MARCHF1: variants seen among roughly 807,000 people sequenced by gnomAD.
MARCHF1 encodes the protein E3 ubiquitin-protein ligase MARCHF1.
Under a neutral mutation model 54.2 loss-of-function variants are expected in MARCHF1, and 40 were observed. The ratio of observed to expected loss-of-function variants is 0.74; its 90% confidence interval spans 0.57 to 0.96. The LOEUF is 0.96. MARCHF1 is among the 40% of genes least tolerant of loss of function. MARCHF1 has a pLI of 0.00. For missense variants in MARCHF1, 586 were observed against 656.5 expected (o/e 0.89, Z 1.17); for synonymous variants, 236 against 236.3 (o/e 1.00, Z 0.01).
chr4:164,223,429 G>A (rs1732167385), intron 1 of MARCHF1, among the ~76,000 whole-genome samples: 1 of 151,864 alleles, frequency 6.6e-6, no homozygotes, highest in African/African-American at 2.4e-5. Context: ...TTTCAACAAG[G>A]AATTTGAAAG....
At chr4:164,336,354 C>A (rs920216077) in intron 1 of MARCHF1, among the ~76,000 whole-genome samples, 1 of 152,118 alleles carries the variant, frequency 6.6e-6, no homozygotes, top group Non-Finnish European at 1.5e-5. Flanking sequence ...TAGAATTTTG[C>A]CTTTTGGACT....
rs113277894 is a variant in MARCHF1 at position 164,180,034 on chromosome 4, T to C, written c.-322-68372A>G. On this transcript the variant is annotated intron_variant, in intron 1 of 9. Transcript: ENST00000514618. ...CCACTGACTCTGTAGCAGTGACTTA[T>C]CTTTGTACTTTGCAAATGCTGATTT... Among the ~76,000 whole-genome samples the C allele has an allele frequency of 1.9e-3, 292 of 151,152 alleles. 1 individual carries two copies. The highest frequency in any genetic ancestry group is 6.9e-3 in the African/African-American group (284 of 41,130).
chr4:163,702,161 T>C (rs1744829475), intron 4 of MARCHF1, among the ~76,000 whole-genome samples: 1 of 152,214 alleles, frequency 6.6e-6, no homozygotes, highest in African/African-American at 2.4e-5. Context: ...CTGTGGAGCA[T>C]GTTATTACAG....
chr4:164,303,246 C>T (rs1383126915), intron 1 of MARCHF1, among the ~76,000 whole-genome samples: 1 of 152,180 alleles, frequency 6.6e-6, no homozygotes, highest in Non-Finnish European at 1.5e-5. Context: ...ACATGGAAGG[C>T]TTCTTTCTGC....
chr4:163,960,644 G>A (rs1752327625), intron 3 of MARCHF1, among the ~76,000 whole-genome samples: 1 of 151,846 alleles, frequency 6.6e-6, no homozygotes, highest in Non-Finnish European at 1.5e-5. Context: ...ACAGACACTG[G>A]TGTCTACTTG....
At chr4:164,097,089 A>T (rs1416175762) in intron 2 of MARCHF1, among the ~76,000 whole-genome samples, 1 of 152,184 alleles carries the variant, frequency 6.6e-6, no homozygotes, top group African/African-American at 2.4e-5. Context: ...GTAAAAAAAT[A>T]ATGTAAGGCT....
intron 3 of MARCHF1, among the ~76,000 whole-genome samples, chr4:163,906,774 ACTCT>A (rs1751077680): frequency 6.6e-6 from 1 of 151,666 alleles, no homozygotes; most frequent in African/African-American, 2.4e-5. Flanking sequence ...TAAGAAAAAC[ACTCT>A]CTCTTGTCTT....
Position 163,526,855 on chromosome 4 carries a change from G to T in MARCHF1, c.*1893C>A, listed in dbSNP as rs1738124915. 6.6e-6 allele frequency: 1 copy of T among 151,628 alleles called. No individual in the cohort carries two copies. The highest frequency in any genetic ancestry group is 1.5e-5 in the Non-Finnish European group (1 of 67,786). 9.4% of individuals were successfully genotyped at this position (151,628 alleles called of 1,614,324 possible). A position where few individuals can be genotyped will look rare whatever the true frequency, so the allele number is the denominator to read the frequency against. ...ACACGCCATACACACACACAAAATT[G>T]ACATTGTTTACCTTTTGTTTATTTC... is the stretch of plus-strand genomic sequence containing the variant. On this transcript the variant is annotated 3_prime_UTR_variant, in exon 10 of 10. Transcript: ENST00000514618.
rs373076294 is a variant in MARCHF1, at chr4:163,910,953, A to T, written c.-38-56784T>A. 5.3e-5 allele frequency among the ~76,000 whole-genome samples: 8 copies of T among 152,348 alleles called. No homozygotes were observed. The East Asian group carries it at 1.5e-3, about 29-fold the overall frequency. ...TAACAGTAAGTTAAATGCAAAAATA[A>T]CATGAATGAATATCAGTAATAGCAG... On this transcript the variant is annotated intron_variant, in intron 3 of 9. Coordinates refer to ENST00000514618, the MANE Select transcript of MARCHF1 (RefSeq NM_001394959.1).
At chr4:163,750,250 G>A (rs1044488100) in intron 4 of MARCHF1, among the ~76,000 whole-genome samples, 2 of 152,008 alleles carry the variant, frequency 1.3e-5, no homozygotes, top group African/African-American at 4.8e-5. Flanking sequence ...GGTGGCTCAT[G>A]CCTGTAATCC....
intron 1 of MARCHF1, among the ~76,000 whole-genome samples, chr4:164,324,652 GAAAT>G (rs1326803685): frequency 6.6e-6 from 1 of 151,174 alleles, no homozygotes; most frequent in Non-Finnish European, 1.5e-5. Flanking sequence ...TAATAAGGAA[GAAAT>G]AAATGTTTAT....
intron 1 of MARCHF1, among the ~76,000 whole-genome samples, chr4:164,220,693 CTATATATG>C (rs1732083416): frequency 9.2e-6 from 1 of 108,530 alleles, no homozygotes; most frequent in Non-Finnish European, 1.8e-5. Flanking sequence ...AATATATATG[CTATATATG>C]TATATATGTA....
intron 4 of MARCHF1, among the ~76,000 whole-genome samples, chr4:163,764,132 C>G (rs73870034): frequency 1.3e-5 from 2 of 151,936 alleles, no homozygotes; most frequent in African/African-American, 2.4e-5. Context: ...TGATATATTC[C>G]TTGAGGGTTT....
intron 4 of MARCHF1, among the ~76,000 whole-genome samples, chr4:163,768,791 G>C (rs900587142): frequency 2.0e-5 from 3 of 152,108 alleles, no homozygotes; most frequent in Admixed American, 6.5e-5. Flanking sequence ...TTTGGTTTGA[G>C]TTCTGGCAGA....
intron 8 of MARCHF1, among the ~76,000 whole-genome samples, chr4:163,563,575 C>G: frequency 6.6e-6 from 1 of 152,198 alleles, no homozygotes; most frequent in East Asian, 1.9e-4. Context: ...ATGCTTACAA[C>G]CATAGACTTG....
intron 8 of MARCHF1, 44 bp from the exon 9 acceptor site, chr4:163,545,787 G>T: frequency 6.3e-7 from 1 of 1,591,168 alleles, no homozygotes; most frequent in Non-Finnish European, 8.6e-7. Context: ...TGCAAACTAG[G>T]AAATTTTGCT....
chr4:163,669,035 T>A (rs1189082101), intron 5 of MARCHF1, among the ~76,000 whole-genome samples: 1 of 152,276 alleles, frequency 6.6e-6, no homozygotes, highest in South Asian at 2.1e-4. Flanking sequence ...ATTAAGCACT[T>A]CTCTGGTGCT....
intron 4 of MARCHF1, among the ~76,000 whole-genome samples, chr4:163,810,751 A>C (rs1388279880): frequency 1.3e-5 from 2 of 151,870 alleles, no homozygotes; most frequent in Non-Finnish European, 3.0e-5. Context: ...AATGTCTTTA[A>C]TACTTTCTGC....
intron 3 of MARCHF1, among the ~76,000 whole-genome samples, chr4:163,923,877 G>C: frequency 6.6e-6 from 1 of 151,260 alleles, no homozygotes; most frequent in South Asian, 2.1e-4. Context: ...GTCATTTTGT[G>C]ATAGGTGATG....
Sources: allele counts gnomAD v4.1 joint callset (sites outside exome capture counted in the v4.1 genomes callset), GRCh38; gene constraint gnomAD v4.1.1; transcripts MANE v1.5; gene names NCBI Gene and HGNC (gene_info 2026-07-23, HGNC 2026-07-21).